Variants in HYCC1 observed in about 807,000 individuals in gnomAD.
HYCC1 encodes hyccin.
the HYCC1 span, among the ~76,000 whole-genome samples, chr7:22,967,969 C>T: frequency 6.6e-6 from 1 of 152,190 alleles, no homozygotes; most frequent in Non-Finnish European, 1.5e-5. Context: ...CATCCCTCTT[C>T]CCTTTAGGAA....
the HYCC1 span, among the ~76,000 whole-genome samples, chr7:22,993,433 A>C: frequency 6.6e-6 from 1 of 152,200 alleles, no homozygotes; most frequent in Non-Finnish European, 1.5e-5. Flanking sequence ...TACTCACCAA[A>C]AGATACCACT....
At chr7:22,961,588 G>C in the HYCC1 span, among the ~76,000 whole-genome samples, 1 of 151,960 alleles carries the variant, frequency 6.6e-6, no homozygotes, top group South Asian at 2.1e-4. Flanking sequence ...AAAAAGCTAA[G>C]GCAATTTCAA....
the HYCC1 span, among the ~76,000 whole-genome samples, chr7:23,007,531 G>A: frequency 1.3e-5 from 2 of 152,088 alleles, no homozygotes; most frequent in Non-Finnish European, 2.9e-5. Flanking sequence ...GACATTTTTA[G>A]AGCCAATCTA....
the HYCC1 span, among the ~76,000 whole-genome samples, chr7:22,910,428 T>C: frequency 6.6e-6 from 1 of 152,212 alleles, no homozygotes; most frequent in African/African-American, 2.4e-5. Flanking sequence ...CAAATGTGGA[T>C]GCCATGCTTG....
At chr7:22,909,338 C>T in the HYCC1 span, among the ~76,000 whole-genome samples, 5 of 152,178 alleles carry the variant, frequency 3.3e-5, no homozygotes, top group African/African-American at 9.7e-5. Flanking sequence ...TGCCTTCCAC[C>T]ATGACTGGAA....
chr7:22,918,925 G>A, the HYCC1 span, among the ~76,000 whole-genome samples: 3 of 152,198 alleles, frequency 2.0e-5, no homozygotes, highest in Admixed American at 1.3e-4. Flanking sequence ...GGACGCATGT[G>A]ACAAGGAGAC....
At chr7:22,925,106 C>T in the HYCC1 span, among the ~76,000 whole-genome samples, 2 of 152,184 alleles carry the variant, frequency 1.3e-5, no homozygotes, top group Admixed American at 6.5e-5. Context: ...CTCCAACAGA[C>T]CTGCAGCTGA....
the HYCC1 span, among the ~76,000 whole-genome samples, chr7:22,955,009 A>G: frequency 6.6e-6 from 1 of 151,584 alleles, no homozygotes; most frequent in Non-Finnish European, 1.5e-5. Flanking sequence ...TGGGATTGAA[A>G]CAATAACAAC....
chr7:22,975,425 T>C, the HYCC1 span, among the ~76,000 whole-genome samples: 1 of 152,322 alleles, frequency 6.6e-6, no homozygotes, highest in East Asian at 1.9e-4. Flanking sequence ...AAAATGTGAA[T>C]ATACTATACT....
At chr7:22,954,498 ACT>A in the HYCC1 span, among the ~76,000 whole-genome samples, 1 of 151,258 alleles carries the variant, frequency 6.6e-6, no homozygotes, top group Non-Finnish European at 1.5e-5. Context: ...ATCTCTTTGA[ACT>A]CTGTTATAAT....
chr7:22,925,354 G>C, the HYCC1 span, among the ~76,000 whole-genome samples: 1 of 152,204 alleles, frequency 6.6e-6, no homozygotes, highest in African/African-American at 2.4e-5. Context: ...TGAGTTGAGA[G>C]AGGAAGGCTC....
chr7:22,947,015 C>T, the HYCC1 span: 4 of 1,549,870 alleles, frequency 2.6e-6, no homozygotes, highest in South Asian at 3.6e-5. Context: ...TTATTCCATC[C>T]TCCATCATTT....
chr7:22,949,376 A>G, the HYCC1 span, among the ~76,000 whole-genome samples: 1 of 152,086 alleles, frequency 6.6e-6, no homozygotes, highest in Non-Finnish European at 1.5e-5. Context: ...TGTCTCTTCT[A>G]ACATACTATA....
the HYCC1 span, among the ~76,000 whole-genome samples, chr7:22,962,553 A>G: frequency 4.6e-5 from 7 of 151,386 alleles, no homozygotes; most frequent in African/African-American, 1.7e-4. Context: ...CGAACAAGTG[A>G]AGACCAATTC....
chr7:22,962,869 A>G, the HYCC1 span, among the ~76,000 whole-genome samples: 1 of 151,324 alleles, frequency 6.6e-6, no homozygotes, highest in East Asian at 1.9e-4. Flanking sequence ...AAAGAAACCT[A>G]TCTGCAGTGG....
At chr7:22,995,759 T>C in the HYCC1 span, among the ~76,000 whole-genome samples, 2 of 152,146 alleles carry the variant, frequency 1.3e-5, no homozygotes, top group Admixed American at 1.3e-4. Flanking sequence ...TAGAGCTTAG[T>C]CCTTGCTCCC....
the HYCC1 span, among the ~76,000 whole-genome samples, chr7:22,998,487 TAAAAA>T: frequency 6.6e-6 from 1 of 152,198 alleles, no homozygotes; most frequent in African/African-American, 2.4e-5. Flanking sequence ...TTTTTTCAAA[TAAAAA>T]TTATATAACA....
chr7:22,924,579 T>C, the HYCC1 span, among the ~76,000 whole-genome samples: 1 of 152,190 alleles, frequency 6.6e-6, no homozygotes, highest in African/African-American at 2.4e-5. Flanking sequence ...AGAGCCTTGC[T>C]CATTGCTAGC....
chr7:22,930,348 A>C, the HYCC1 span, among the ~76,000 whole-genome samples: 1 of 25,136 alleles, frequency 4.0e-5, no homozygotes, highest in Non-Finnish European at 8.4e-5. Flanking sequence ...TATAATAATT[A>C]AAAAAAAAAA....
Sources: allele counts gnomAD v4.1 joint callset (sites outside exome capture counted in the v4.1 genomes callset), GRCh38; gene constraint gnomAD v4.1.1; transcripts MANE v1.5; gene names NCBI Gene and HGNC (gene_info 2026-07-23, HGNC 2026-07-21).